The following EPHA6 variants were observed in gnomAD, a reference collection of about 807,000 sequenced individuals.
EPHA6 encodes the protein EPH receptor A6.
Under a neutral mutation model 112.0 loss-of-function variants are expected in EPHA6, and 50 were observed. That is an observed-to-expected ratio of 0.45 (90% CI 0.36 to 0.56). The LOEUF (loss-of-function observed/expected upper bound fraction) is 0.56. Among genes scored for constraint, EPHA6 ranks in the 20% least tolerant of loss-of-function variants. The probability of loss-of-function intolerance (pLI) is 0.00; values close to 1 mark genes in which losing one functional copy is unlikely to be tolerated. For synonymous variants in EPHA6, 529 were observed against 490.7 expected, an observed-to-expected ratio of 1.08 and a Z score of -1.03; for missense variants, 1,280 against 1,417.4, an observed-to-expected ratio of 0.90 and a Z score of 1.56.
chr3:96,843,425 G>A (rs1257272537), intron 1 of EPHA6, among the ~76,000 whole-genome samples: 4 of 151,962 alleles, frequency 2.6e-5, no homozygotes, highest in Non-Finnish European at 4.4e-5. Flanking sequence ...ACTTAAATAA[G>A]ACTCTTAAAA....
At chr3:97,272,739 G>C (rs56787535) in intron 5 of EPHA6, among the ~76,000 whole-genome samples, 2,295 of 152,172 alleles carry the variant, frequency 0.015, 49 homozygotes, top group African/African-American at 0.051. Flanking sequence ...GTTAAGGCAG[G>C]AACAGGCCAT....
intron 3 of EPHA6, among the ~76,000 whole-genome samples, chr3:97,008,627 A>T (rs564026417): frequency 6.6e-6 from 1 of 152,226 alleles, no homozygotes; most frequent in African/African-American, 2.4e-5. Flanking sequence ...TATCCATCTT[A>T]TCCTCCATCT....
chr3:96,918,009 C>T (rs950143244), intron 2 of EPHA6, among the ~76,000 whole-genome samples: 4 of 152,100 alleles, frequency 2.6e-5, no homozygotes, highest in Non-Finnish European at 5.9e-5. Flanking sequence ...ACAAAACTTA[C>T]GTCTAAAAAA....
chr3:97,371,795 A>T (rs970503172), intron 5 of EPHA6, among the ~76,000 whole-genome samples: 1 of 152,286 alleles, frequency 6.6e-6, no homozygotes, highest in African/African-American at 2.4e-5. Context: ...AAGAGAATGC[A>T]TGCCTAGGGG....
intron 3 of EPHA6, among the ~76,000 whole-genome samples, chr3:96,996,414 T>TGCCAGTATTTCAGTTTC (rs1469816355): frequency 6.6e-6 from 1 of 152,146 alleles, no homozygotes; most frequent in Admixed American, 6.6e-5. Context: ...ATTTTCAGTT[T>TGCCAGTATTTCAGTTTC]ACTTTGCCGG....
intron 10 of EPHA6, among the ~76,000 whole-genome samples, chr3:97,531,790 T>G (rs2092698123): frequency 6.6e-6 from 1 of 152,096 alleles, no homozygotes; most frequent in African/African-American, 2.4e-5. Context: ...TATCTCATCT[T>G]CCTTATCTGC....
At chr3:97,305,278 G>T (rs956928525) in intron 5 of EPHA6, among the ~76,000 whole-genome samples, 1 of 152,012 alleles carries the variant, frequency 6.6e-6, no homozygotes, top group Non-Finnish European at 1.5e-5. Context: ...TACACTGTTG[G>T]TAGGAATGTA....
intron 13 of EPHA6, among the ~76,000 whole-genome samples, chr3:97,622,532 A>G (rs1404263319): frequency 2.6e-5 from 4 of 151,820 alleles, no homozygotes; most frequent in East Asian, 1.9e-4. Context: ...TGTTTTAGCT[A>G]TTGCGAAGAA....
intron 1 of EPHA6, among the ~76,000 whole-genome samples, chr3:96,830,280 G>T (rs1209754978): frequency 1.3e-5 from 2 of 151,872 alleles, no homozygotes; most frequent in South Asian, 2.1e-4. Context: ...TGAAAAACTC[G>T]AACATGTTTT....
chr3:96,854,923 C>G (rs971339694), intron 1 of EPHA6, among the ~76,000 whole-genome samples: 1 of 152,148 alleles, frequency 6.6e-6, no homozygotes, highest in Non-Finnish European at 1.5e-5. Flanking sequence ...AAATAACACA[C>G]GTTTATTTGC....
At chr3:96,947,881 A>G (rs1293982800) in intron 2 of EPHA6, among the ~76,000 whole-genome samples, 1 of 152,190 alleles carries the variant, frequency 6.6e-6, no homozygotes, top group Non-Finnish European at 1.5e-5. Flanking sequence ...CTTTCTTCAC[A>G]GAATTGGAAA....
intron 5 of EPHA6, among the ~76,000 whole-genome samples, chr3:97,344,458 A>T (rs1014877233): frequency 6.6e-6 from 1 of 152,182 alleles, no homozygotes; most frequent in African/African-American, 2.4e-5. Context: ...GAAGAGACAC[A>T]CGAGAGCTTG....
In EPHA6 at chr3:97,498,994, A is replaced by G. The variant is rs556381938; in HGVS notation, c.2200+14935A>G. Among the ~76,000 whole-genome samples the G allele has an allele frequency of 4.6e-5, 7 of 152,350 alleles. No individual in the cohort carries two copies. In the South Asian group the frequency reaches 1.2e-3, roughly 27 times the overall value. On this transcript the variant is annotated intron_variant, in intron 10 of 17. Coordinates refer to ENST00000389672, the MANE Select transcript of EPHA6 (RefSeq NM_001080448.3). The stretch of plus-strand genomic sequence containing the variant: ...AAGAATTGAAGGATGACAGATTTCC[A>G]TTACGATTATAGAAACTTTTAATTT...
chr3:96,949,569 T>C (rs2041438483), intron 2 of EPHA6, among the ~76,000 whole-genome samples: 1 of 152,114 alleles, frequency 6.6e-6, no homozygotes, highest in Admixed American at 6.6e-5. Context: ...ATTAAACCTC[T>C]CTAAATAATA....
intron 7 of EPHA6, among the ~76,000 whole-genome samples, chr3:97,452,771 AC>A (rs1477779017): frequency 0.011 from 4 of 376 alleles, no homozygotes; most frequent in African/African-American, 0.019. Flanking sequence ...ACACATATCC[AC>A]ACACACACAC....
intron 3 of EPHA6, among the ~76,000 whole-genome samples, chr3:97,029,856 A>C (rs561342127): frequency 4.7e-4 from 71 of 152,274 alleles, no homozygotes; most frequent in Middle Eastern, 3.4e-3. Context: ...GAAACCCAAA[A>C]AATTAACAAT....
chr3:97,143,506 G>A (rs1476518310), intron 3 of EPHA6, among the ~76,000 whole-genome samples: 1 of 151,660 alleles, frequency 6.6e-6, no homozygotes. Flanking sequence ...GCAAAAGTAG[G>A]AGGTTTTCCT....
intron 3 of EPHA6, among the ~76,000 whole-genome samples, chr3:97,142,326 GT>G (rs2075930112): frequency 6.6e-6 from 1 of 152,006 alleles, no homozygotes; most frequent in East Asian, 1.9e-4. Context: ...CAAAGAGTGT[GT>G]TTATGTAAAA....
intron 14 of EPHA6, among the ~76,000 whole-genome samples, chr3:97,703,091 C>CG (rs2033486622): frequency 6.6e-6 from 1 of 152,118 alleles, no homozygotes. Context: ...AGTCAGCCCT[C>CG]GGGAAGCATT....
Sources: gnomAD v4.1 joint callset for allele counts (sites outside exome capture counted in the v4.1 genomes callset) on GRCh38, gnomAD v4.1.1 for gene constraint, MANE v1.5 for transcripts, NCBI Gene and HGNC (gene_info 2026-07-23, HGNC 2026-07-21) for gene names.